GMDS: variants seen among roughly 807,000 people sequenced by gnomAD.
GMDS encodes the protein GDP-mannose 4,6 dehydratase.
In GMDS, 20 loss-of-function variants were observed where a neutral mutation model predicts 49.9. The ratio of observed to expected loss-of-function variants is 0.40; its 90% CI spans 0.28 to 0.58. GMDS has a LOEUF of 0.58. GMDS is among the 20% of genes least tolerant of loss of function. The pLI is 0.42. For synonymous variants in GMDS, 177 were observed against 178.6 expected (o/e 0.99, Z 0.07); for missense variants, 362 against 481.4 (o/e 0.75, Z 2.32).
At chr6:2,229,426 A>AT (rs1295083042) in intron 1 of GMDS, among the ~76,000 whole-genome samples, 2 of 151,576 alleles carry the variant, frequency 1.3e-5, no homozygotes, top group East Asian at 3.9e-4. Context: ...AAAAAAAAAA[A>AT]AATACAAAAA....
At chr6:2,164,671 A>T (rs1483557751) in intron 1 of GMDS, among the ~76,000 whole-genome samples, 1 of 152,168 alleles carries the variant, frequency 6.6e-6, no homozygotes, top group Non-Finnish European at 1.5e-5. Flanking sequence ...CTTTAACAGT[A>T]TTCACCCTAT....
chr6:1,903,596 T>TCTTTA (rs1012878718), intron 7 of GMDS, among the ~76,000 whole-genome samples: 15 of 152,326 alleles, frequency 9.8e-5, no homozygotes, highest in African/African-American at 2.9e-4. Flanking sequence ...CAATGAAACC[T>TCTTTA]CTTTACTTGG....
chr6:1,843,699 T>G (rs893661250), intron 7 of GMDS, among the ~76,000 whole-genome samples: 4 of 152,150 alleles, frequency 2.6e-5, no homozygotes, highest in Non-Finnish European at 4.4e-5. Context: ...ACCCATGAGG[T>G]GGAGGTTGCG....
At position 1,843,818 on chromosome 6, in the gene GMDS, A is replaced by G. The variant is rs4959614; in HGVS notation, c.771+86285T>C. Among the ~76,000 whole-genome samples the G allele has an allele frequency of 1.0e-2, 1,516 of 152,184 alleles. 65 individuals are homozygous for G. The highest frequency in any genetic ancestry group is 0.1 in the East Asian group (515 of 5,170). On this transcript the variant is annotated intron_variant, in intron 7 of 10. Coordinates refer to ENST00000380815, the MANE Select transcript of GMDS (RefSeq NM_001500.4). ...GCGTGGAGTATGTTGGTTAAAGCCAACCTTTGCTGAGAACAGGGTAGCCTC... is the reference window on the plus strand; with the variant it reads ...GCGTGGAGTATGTTGGTTAAAGCCAGCCTTTGCTGAGAACAGGGTAGCCTC...
At chr6:1,743,651 A>G (rs1176428851) in intron 7 of GMDS, among the ~76,000 whole-genome samples, 1 of 152,012 alleles carries the variant, frequency 6.6e-6, no homozygotes, top group East Asian at 1.9e-4. Context: ...GACTGGTGGC[A>G]CCAGCGCAGC....
intron 9 of GMDS, among the ~76,000 whole-genome samples, chr6:1,713,693 T>G (rs1242554986): frequency 6.6e-6 from 1 of 152,208 alleles, no homozygotes; most frequent in East Asian, 1.9e-4. Flanking sequence ...TTTTCTCTCA[T>G]CTCAATTTGG....
chr6:2,083,546 T>A (rs1481117998), intron 4 of GMDS, among the ~76,000 whole-genome samples: 1 of 152,170 alleles, frequency 6.6e-6, no homozygotes, highest in African/African-American at 2.4e-5. Flanking sequence ...CCACACTGAA[T>A]ACAGAATACA....
At chr6:1,769,222 T>C (rs956823355) in intron 7 of GMDS, among the ~76,000 whole-genome samples, 1 of 152,180 alleles carries the variant, frequency 6.6e-6, no homozygotes, top group African/African-American at 2.4e-5. Context: ...TTTACGGAGA[T>C]AAAGAGGAAG....
rs1286653670 is a variant in GMDS at position 1,895,401 on chromosome 6, G to A, written c.771+34702C>T. ...CAAGCTATCATGTGTAGTGGGGTCAGCCAAAAAACAGACTTCAGCTATGCA... is the reference window on the plus strand; with the variant it reads ...CAAGCTATCATGTGTAGTGGGGTCAACCAAAAAACAGACTTCAGCTATGCA... On this transcript the variant is annotated intron_variant, in intron 7 of 10. Coordinates refer to ENST00000380815, the MANE Select transcript of GMDS (RefSeq NM_001500.4). Among the ~76,000 whole-genome samples, 3 of 152,176 alleles carry A rather than the reference G, an allele frequency of 2.0e-5. No individual in the cohort carries two copies. In the East Asian group the frequency reaches 5.8e-4, roughly 29 times the overall value.
chr6:1,752,657 A>G (rs973712769), intron 7 of GMDS, among the ~76,000 whole-genome samples: 1 of 152,246 alleles, frequency 6.6e-6, no homozygotes, highest in Non-Finnish European at 1.5e-5. Context: ...TTACTCACAA[A>G]GGGAAGCCCA....
chr6:1,657,865 AAAAAG>A (rs1234434070), intron 9 of GMDS, among the ~76,000 whole-genome samples: 14 of 147,306 alleles, frequency 9.5e-5, no homozygotes, highest in South Asian at 2.2e-4. Context: ...AAAAAAAAAA[AAAAAG>A]AAAAAGAAAA....
chr6:2,072,037 A>G (rs932517697), intron 4 of GMDS, among the ~76,000 whole-genome samples: 1 of 152,168 alleles, frequency 6.6e-6, no homozygotes, highest in African/African-American at 2.4e-5. Context: ...CATGTGAGTA[A>G]GAGGGTTCTT....
chr6:1,630,544 C>T (rs1762967475), intron 9 of GMDS, among the ~76,000 whole-genome samples: 1 of 152,238 alleles, frequency 6.6e-6, no homozygotes, highest in African/African-American at 2.4e-5. Context: ...CAGTCTGAGC[C>T]AGCTGAGCAG....
chr6:1,671,507 T>G (rs1203741391), intron 9 of GMDS, among the ~76,000 whole-genome samples: 2 of 152,136 alleles, frequency 1.3e-5, no homozygotes, highest in Non-Finnish European at 2.9e-5. Context: ...ACAGTCACAA[T>G]GTATATAAAT....
At chr6:1,995,016 G>A (rs143484092) in intron 4 of GMDS, among the ~76,000 whole-genome samples, 154 of 152,252 alleles carry the variant, frequency 1.0e-3, no homozygotes, top group African/African-American at 3.5e-3. Context: ...AATAATCCAT[G>A]CTTAGTTAGC....
chr6:1,763,387 AAT>A (rs1427434150), intron 7 of GMDS, among the ~76,000 whole-genome samples: 1 of 152,240 alleles, frequency 6.6e-6, no homozygotes, highest in Non-Finnish European at 1.5e-5. Flanking sequence ...TCAGTAAGTC[AAT>A]TCTCCAGGGG....
At chr6:1,829,397 AG>A (rs1269173352) in intron 7 of GMDS, among the ~76,000 whole-genome samples, 6 of 152,164 alleles carry the variant, frequency 3.9e-5, no homozygotes, top group African/African-American at 1.4e-4. Flanking sequence ...TTCCCCTAAG[AG>A]GTTGTTTATC....
At chr6:2,018,956 G>A (rs1768081926) in intron 4 of GMDS, among the ~76,000 whole-genome samples, 1 of 152,040 alleles carries the variant, frequency 6.6e-6, no homozygotes, top group African/African-American at 2.4e-5. Context: ...CACACCAGCA[G>A]TGTATGAAAG....
At chr6:1,643,879 A>G (rs1763409596) in intron 9 of GMDS, among the ~76,000 whole-genome samples, 1 of 152,146 alleles carries the variant, frequency 6.6e-6, no homozygotes, top group Admixed American at 6.5e-5. Context: ...TCTAAAAAAA[A>G]AGTCCTTTTA....
Sources: gnomAD v4.1 joint callset for allele counts (sites outside exome capture counted in the v4.1 genomes callset) on GRCh38, gnomAD v4.1.1 for gene constraint, MANE v1.5 for transcripts, NCBI Gene and HGNC (gene_info 2026-07-23, HGNC 2026-07-21) for gene names.